The following BCAR3 variants were observed in gnomAD, a reference collection of about 807,000 sequenced individuals.
The protein encoded by BCAR3 is BCAR3 adaptor protein, NSP family member, also known as breast cancer anti-estrogen resistance protein 3.
A neutral mutation model predicts 80.1 loss-of-function variants in BCAR3; 37 were observed. The observed-to-expected ratio is 0.46, with a 90% CI of 0.36 to 0.61. The LOEUF (loss-of-function observed/expected upper bound fraction) is 0.61. BCAR3 is among the 20% of genes least tolerant of loss of function. The pLI is 0.00. For synonymous variants in BCAR3, 389 were observed against 418.9 expected (o/e 0.93, Z 0.87); for missense variants, 978 against 1,068.2 (o/e 0.92, Z 1.18).
At chr1:93,677,682 G>A (rs186637652) in intron 1 of BCAR3, among the ~76,000 whole-genome samples, 4 of 152,298 alleles carry the variant, frequency 2.6e-5, no homozygotes, top group Admixed American at 6.5e-5. Context: ...GCCACAGAAG[G>A]TGGTGCGATG....
chr1:93,642,408 G>A, intron 2 of BCAR3, 65 bp from the exon 3 acceptor site: 1 of 1,456,710 alleles, frequency 6.9e-7, no homozygotes, highest in South Asian at 1.1e-5. Context: ...TGAGTATAAT[G>A]TGTCCAACAT....
chr1:93,644,290 T>C (rs1386286793), intron 2 of BCAR3, among the ~76,000 whole-genome samples: 1 of 152,252 alleles, frequency 6.6e-6, no homozygotes, highest in Non-Finnish European at 1.5e-5. Context: ...CTGTTGTCTC[T>C]AAGGACAGCC....
At chr1:93,659,941 C>A (rs1249401558) in intron 2 of BCAR3, among the ~76,000 whole-genome samples, 1 of 152,124 alleles carries the variant, frequency 6.6e-6, no homozygotes, top group East Asian at 1.9e-4. Context: ...CATGTGTATT[C>A]CCGTCTATGT....
intron 2 of BCAR3, among the ~76,000 whole-genome samples, chr1:93,769,355 A>ATGTGTG (rs59798936): frequency 0.02 from 2,343 of 119,870 alleles, 46 homozygotes; most frequent in Admixed American, 0.042. Flanking sequence ...GTGGGTAGGA[A>ATGTGTG]TGTGTGTGTG....
chr1:93,667,481 A>C (rs1171285587), intron 2 of BCAR3, among the ~76,000 whole-genome samples: 4 of 152,256 alleles, frequency 2.6e-5, no homozygotes, highest in African/African-American at 9.6e-5. Flanking sequence ...GGCAAAAACA[A>C]GGATATGAAC....
At chr1:93,707,446 A>G (rs1322923932) in intron 2 of BCAR3, among the ~76,000 whole-genome samples, 1 of 152,170 alleles carries the variant, frequency 6.6e-6, no homozygotes, top group African/African-American at 2.4e-5. Flanking sequence ...ATGGTGGCTC[A>G]TGCCTGTAAT....
chr1:93,585,769 C>T (rs1053732822), intron 5 of BCAR3, among the ~76,000 whole-genome samples: 1 of 152,154 alleles, frequency 6.6e-6, no homozygotes, highest in African/African-American at 2.4e-5. Flanking sequence ...GACAGGCTCT[C>T]GCTCTGTTGC....
chr1:93,785,409 C>T (rs576411614), intron 2 of BCAR3, among the ~76,000 whole-genome samples: 1 of 152,316 alleles, frequency 6.6e-6, no homozygotes, highest in South Asian at 2.1e-4. Context: ...TCAGCTCCAG[C>T]TCACTGCTGA....
chr1:93,827,738 GGAAAGGAGGAGA>G (rs1654419931), intron 2 of BCAR3, among the ~76,000 whole-genome samples: 1 of 151,766 alleles, frequency 6.6e-6, no homozygotes, highest in African/African-American at 2.4e-5. Flanking sequence ...AAGGGAGGAG[GGAAAGGAGGAGA>G]GAAAGGAGAA....
chr1:93,579,109 C>G (rs1673592997), intron 7 of BCAR3, among the ~76,000 whole-genome samples: 1 of 152,146 alleles, frequency 6.6e-6, no homozygotes, highest in East Asian at 1.9e-4. Flanking sequence ...ATGGACACAG[C>G]AGGACAGGGA....
At chr1:93,818,929 G>GA (rs1259276894) in intron 2 of BCAR3, among the ~76,000 whole-genome samples, 3 of 152,192 alleles carry the variant, frequency 2.0e-5, no homozygotes, top group African/African-American at 7.2e-5. Context: ...GTTAAGTGCT[G>GA]AAGAATTGTT....
chr1:93,599,756 C>T (rs1270144770), intron 3 of BCAR3: 2 of 152,166 alleles, frequency 1.3e-5, no homozygotes, highest in Non-Finnish European at 1.5e-5. Flanking sequence ...ATAAATTGAA[C>T]TCATCCCCTC....
chr1:93,565,610 G>A (rs890682388), intron 11 of BCAR3, among the ~76,000 whole-genome samples: 4 of 152,216 alleles, frequency 2.6e-5, no homozygotes, highest in African/African-American at 7.2e-5. Flanking sequence ...ATTGGCTTAT[G>A]CAACATCCAT....
At chr1:93,606,849 G>A (rs1157837510) in intron 3 of BCAR3, among the ~76,000 whole-genome samples, 1 of 152,226 alleles carries the variant, frequency 6.6e-6, no homozygotes, top group Admixed American at 6.5e-5. Context: ...ACAGAATGCA[G>A]TGTCCTGGAG....
chr1:93,770,107 G>A (rs1458616968), intron 2 of BCAR3, among the ~76,000 whole-genome samples: 1 of 152,170 alleles, frequency 6.6e-6, no homozygotes, highest in Non-Finnish European at 1.5e-5. Context: ...AAGATAGTGG[G>A]GGACAGAAGG....
chr1:93,585,444 G>C, intron 5 of BCAR3, among the ~76,000 whole-genome samples: 1 of 141,732 alleles, frequency 7.1e-6, no homozygotes, highest in South Asian at 2.1e-4. Flanking sequence ...GTTGACTTAA[G>C]AGACTTAGTC....
chr1:93,802,245 G>C (rs1653505653), intron 2 of BCAR3, among the ~76,000 whole-genome samples: 1 of 151,936 alleles, frequency 6.6e-6, no homozygotes, highest in Admixed American at 6.6e-5. Context: ...AGGAGTTAAA[G>C]GCTGCAATGA....
At chr1:93,704,846 T>C (rs1303909755) in intron 3 of BCAR3, among the ~76,000 whole-genome samples, 8 of 152,310 alleles carry the variant, frequency 5.3e-5, no homozygotes, top group African/African-American at 1.9e-4. Flanking sequence ...ACATTGCACT[T>C]CTATTTTTCA....
At chr1:93,813,869 A>C (rs1187415625) in intron 2 of BCAR3, among the ~76,000 whole-genome samples, 1 of 152,134 alleles carries the variant, frequency 6.6e-6, no homozygotes, top group Admixed American at 6.5e-5. Flanking sequence ...TATTGCATTT[A>C]ATTGCATTTA....
Sources: gnomAD v4.1 joint callset for allele counts (sites outside exome capture counted in the v4.1 genomes callset) on GRCh38, gnomAD v4.1.1 for gene constraint, MANE v1.5 for transcripts, NCBI Gene and HGNC (gene_info 2026-07-23, HGNC 2026-07-21) for gene names.